The following CLDN10 variants were observed in gnomAD, a reference collection of about 807,000 sequenced individuals.
CLDN10 encodes the protein claudin-10.
In CLDN10, 15 loss-of-function variants were observed where a neutral mutation model predicts 22.9. That is an observed-to-expected ratio of 0.65 (90% CI 0.44 to 1.01). The LOEUF is 1.01. CLDN10 is among the 50% of genes least tolerant of loss of function. The probability of loss-of-function intolerance (pLI) is 0.00; values close to 1 mark genes in which losing one functional copy is unlikely to be tolerated. For missense variants in CLDN10, 247 were observed against 287.8 expected (o/e 0.86, Z 1.03); for synonymous variants, 114 against 111.4 (o/e 1.02, Z -0.15).
At chr13:95,527,668 G>C (rs1242693531) in intron 1 of CLDN10, among the ~76,000 whole-genome samples, 1 of 152,172 alleles carries the variant, frequency 6.6e-6, no homozygotes, top group Non-Finnish European at 1.5e-5. Flanking sequence ...TCAGGGAGCT[G>C]GAGGCTGCAG....
rs575067734 is a variant in CLDN10 at position 95,575,348 on chromosome 13, C to T, written c.465-1883C>T. 2.0e-5 allele frequency among the ~76,000 whole-genome samples: 3 copies of T among 152,326 alleles called. No individual in the cohort carries two copies. The East Asian group carries it at 5.8e-4, about 29-fold the overall frequency. ...CAACAGACAGATCTGATGCCATCTT[C>T]TAGGATTTCCAGGTGTTTCAGGGGC... On this transcript the variant is annotated intron_variant, in intron 3 of 4. Transcript: ENST00000299339.
At chr13:95,497,965 CACA>C (rs1014124280) in intron 1 of CLDN10, among the ~76,000 whole-genome samples, 23 of 152,248 alleles carry the variant, frequency 1.5e-4, no homozygotes, top group African/African-American at 5.5e-4. Flanking sequence ...AAAATAAAAA[CACA>C]ACAAAAAGAG....
At chr13:95,567,209 G>T (rs933481571) in intron 3 of CLDN10, among the ~76,000 whole-genome samples, 3 of 152,118 alleles carry the variant, frequency 2.0e-5, no homozygotes, top group African/African-American at 7.2e-5. Flanking sequence ...AATTACCTTG[G>T]GCAGTATGGC....
intron 1 of CLDN10, among the ~76,000 whole-genome samples, chr13:95,453,085 T>C (rs991835573): frequency 1.4e-4 from 22 of 152,238 alleles, no homozygotes; most frequent in Non-Finnish European, 2.4e-4. Context: ...TGTTTTGTTT[T>C]GTTTTTAAGT....
intron 1 of CLDN10, among the ~76,000 whole-genome samples, chr13:95,482,039 A>C (rs2138496648): frequency 6.6e-6 from 1 of 152,292 alleles, no homozygotes; most frequent in Non-Finnish European, 1.5e-5. Flanking sequence ...AAACTCAATC[A>C]TAACGTAACT....
chr13:95,475,371 T>A (rs1408790918), intron 1 of CLDN10, among the ~76,000 whole-genome samples: 1 of 152,192 alleles, frequency 6.6e-6, no homozygotes, highest in East Asian at 1.9e-4. Context: ...CCTGGGGACC[T>A]GGGCAGATCT....
At chr13:95,463,600 T>C (rs189262787) in intron 1 of CLDN10, among the ~76,000 whole-genome samples, 1 of 152,018 alleles carries the variant, frequency 6.6e-6, no homozygotes, top group African/African-American at 2.4e-5. Context: ...CCCAAAGTGC[T>C]GGAATTACAG....
At chr13:95,454,878 C>T (rs186100437) in intron 1 of CLDN10, among the ~76,000 whole-genome samples, 165 of 152,262 alleles carry the variant, frequency 1.1e-3, no homozygotes, top group Non-Finnish European at 2.0e-3. Context: ...AGTCACAAGC[C>T]TGCAAGTCCA....
At chr13:95,522,479 A>G (rs1370592887) in intron 1 of CLDN10, among the ~76,000 whole-genome samples, 1 of 152,014 alleles carries the variant, frequency 6.6e-6, no homozygotes, top group Non-Finnish European at 1.5e-5. Flanking sequence ...TCTGATTCCA[A>G]CTCATTGAAA....
intron 1 of CLDN10, chr13:95,496,919 C>G (rs1369756234): frequency 6.6e-6 from 1 of 152,176 alleles, no homozygotes; most frequent in Non-Finnish European, 1.5e-5. Flanking sequence ...CACACAAACT[C>G]CAGTGCAGGC....
rs1244756677 is a variant in CLDN10 at position 95,578,469 on chromosome 13, T to C, written c.*455T>C. 2 of 152,332 alleles carry C rather than the reference T, an allele frequency of 1.3e-5. No individual in the cohort carries two copies. Among genetic ancestry groups the C allele is most frequent in the Non-Finnish European group, 2.9e-5 (2 of 68,108 alleles). The allele number at this position is 152,332 out of a possible 1,614,324, so 9.4% of individuals were successfully genotyped here. On this transcript the variant is annotated 3_prime_UTR_variant, in exon 5 of 5. Coordinates refer to ENST00000299339, the MANE Select transcript of CLDN10 (RefSeq NM_006984.5). ...AAGGTGTCCAGGTTAAATAGACATGTTACTGGCTGCACACAGGCAAATTCT... is the reference window on the plus strand; with the variant it reads ...AAGGTGTCCAGGTTAAATAGACATGCTACTGGCTGCACACAGGCAAATTCT...
intron 1 of CLDN10, among the ~76,000 whole-genome samples, chr13:95,456,837 G>A (rs1398873224): frequency 1.3e-5 from 2 of 152,306 alleles, no homozygotes; most frequent in East Asian, 3.9e-4. Context: ...ATTTTGCTTT[G>A]TTTGTAAAGA....
chr13:95,571,673 A>G (rs2043863771), intron 3 of CLDN10, among the ~76,000 whole-genome samples: 1 of 152,218 alleles, frequency 6.6e-6, no homozygotes, highest in African/African-American at 2.4e-5. Flanking sequence ...ATACTTATAT[A>G]AAAATAAAAT....
rs768765011 is a variant in CLDN10, at chr13:95,448,534, AC to A, written c.214+14493del. 5.9e-5 allele frequency among the ~76,000 whole-genome samples: 9 copies of A among 151,744 alleles called. No individual in the cohort carries two copies. In the South Asian group the frequency reaches 6.3e-4, roughly 11 times the overall value. ...ATTTTCACAGACAGTGAGGAATGTG[AC>A]CCCCCTGGACAGAAAGAGCTGGGGA... On this transcript the variant is annotated intron_variant, in intron 1 of 4. Transcript: ENST00000376873.
intron 1 of CLDN10, among the ~76,000 whole-genome samples, chr13:95,529,832 G>A (rs1346271325): frequency 6.6e-6 from 1 of 152,040 alleles, no homozygotes; most frequent in East Asian, 1.9e-4. Flanking sequence ...GGGTTATCAG[G>A]ACATAGCTCT....
At chr13:95,456,528 G>A (rs1182825205) in intron 1 of CLDN10, among the ~76,000 whole-genome samples, 1 of 152,144 alleles carries the variant, frequency 6.6e-6, no homozygotes, top group Non-Finnish European at 1.5e-5. Flanking sequence ...TGAGGCAGGA[G>A]GATTGCTTAA....
At chr13:95,486,191 GC>G (rs1419891209) in intron 1 of CLDN10, among the ~76,000 whole-genome samples, 1 of 152,108 alleles carries the variant, frequency 6.6e-6, no homozygotes, top group Admixed American at 6.6e-5. Flanking sequence ...GAATAAAGTT[GC>G]TTTGCCTAAC....
rs774020073 is a variant in CLDN10 at position 95,554,075 on chromosome 13, G to A, written c.220+1102G>A. On this transcript the variant is annotated intron_variant, in intron 1 of 4. Transcript: ENST00000299339. ...TCTAAGATGGGGTTTGCCACGAAGA[G>A]CAAACTGTTGCTCAACGTGGTATTT... Among the ~76,000 whole-genome samples, 175 of 152,300 alleles carry A rather than the reference G, an allele frequency of 1.1e-3. 1 individual carries two copies. Among genetic ancestry groups the A allele is most frequent in the Admixed American group, 1.4e-3 (22 of 15,298 alleles).
chr13:95,439,926 T>C (rs930029508), intron 1 of CLDN10, among the ~76,000 whole-genome samples: 3 of 151,940 alleles, frequency 2.0e-5, no homozygotes, highest in Non-Finnish European at 4.4e-5. Context: ...ACCCTTTTTT[T>C]TTTTTGAGAC....
Sources: gnomAD v4.1 joint callset for allele counts (sites outside exome capture counted in the v4.1 genomes callset) on GRCh38, gnomAD v4.1.1 for gene constraint, MANE v1.5 for transcripts, NCBI Gene and HGNC (gene_info 2026-07-23, HGNC 2026-07-21) for gene names.